RIMS2: variants seen among roughly 807,000 people sequenced by gnomAD.
The protein encoded by RIMS2 is regulating synaptic membrane exocytosis 2, also known as regulating synaptic membrane exocytosis protein 2.
RIMS2 carries 59 observed loss-of-function variants against 174.4 expected under a neutral mutation model. The ratio of observed to expected loss-of-function variants is 0.34; its 90% CI spans 0.27 to 0.42. The LOEUF is 0.42. RIMS2 is among the 10% of genes least tolerant of loss of function. The pLI, the probability that RIMS2 is intolerant of heterozygous loss-of-function variation, is 1.00. For missense variants in RIMS2, 1,620 were observed against 1,666.3 expected (o/e 0.97, Z 0.48); for synonymous variants, 606 against 572.5 (o/e 1.06, Z -0.84).
At chr8:103,997,363 A>T (rs79508157) in intron 17 of RIMS2, among the ~76,000 whole-genome samples, 3,274 of 151,928 alleles carry the variant, frequency 0.022, 119 homozygotes, top group African/African-American at 0.073. Context: ...ATTTAAATGT[A>T]TGTTTACTTT....
At chr8:103,950,467 T>C (rs1177473868) in intron 14 of RIMS2, among the ~76,000 whole-genome samples, 1 of 152,076 alleles carries the variant, frequency 6.6e-6, no homozygotes, top group Non-Finnish European at 1.5e-5. Flanking sequence ...ATACCACGGA[T>C]GCAATGTTTA....
chr8:103,573,490 T>G (rs1399989065), intron 1 of RIMS2, among the ~76,000 whole-genome samples: 1 of 152,188 alleles, frequency 6.6e-6, no homozygotes, highest in Non-Finnish European at 1.5e-5. Context: ...CTTTCTCCAT[T>G]GTTTATTTTT....
intron 19 of RIMS2, among the ~76,000 whole-genome samples, chr8:104,166,516 G>GAT (rs2098799206): frequency 1.3e-5 from 2 of 152,068 alleles, no homozygotes; most frequent in African/African-American, 4.8e-5. Context: ...AGCAGAGAAA[G>GAT]ATAAATGATC....
chr8:104,120,981 C>T (rs1416012473), intron 19 of RIMS2, among the ~76,000 whole-genome samples: 1 of 152,070 alleles, frequency 6.6e-6, no homozygotes, highest in Non-Finnish European at 1.5e-5. Flanking sequence ...TCTTTCTTTC[C>T]TTCCTTCTTC....
intron 2 of RIMS2, among the ~76,000 whole-genome samples, chr8:103,743,017 A>AT (rs1212644976): frequency 6.6e-6 from 1 of 152,190 alleles, no homozygotes; most frequent in Non-Finnish European, 1.5e-5. Flanking sequence ...CAATTAAGAT[A>AT]TTTTTATAAA....
intron 13 of RIMS2, among the ~76,000 whole-genome samples, chr8:103,940,278 T>C (rs961044131): frequency 4.6e-5 from 7 of 152,072 alleles, no homozygotes; most frequent in African/African-American, 1.4e-4. Flanking sequence ...ATGTCTTACA[T>C]GGATGGCAGC....
chr8:103,936,720 G>A (rs1287731139), exon 13 of RIMS2: 5 of 1,596,862 alleles, frequency 3.1e-6, no homozygotes, highest in Non-Finnish European at 4.3e-6. Context: ...ATTCTTAGGC[G>A]AGGTATCTGG....
chr8:103,805,237 A>T (rs1317638994), intron 3 of RIMS2, among the ~76,000 whole-genome samples: 1 of 152,126 alleles, frequency 6.6e-6, no homozygotes. Context: ...GGAATCCTGA[A>T]GAGTGAATTA....
intron 19 of RIMS2, chr8:104,094,738 T>G (rs1192510854): frequency 1.5e-6 from 1 of 664,890 alleles, no homozygotes; most frequent in Admixed American, 2.3e-5. Flanking sequence ...AGGTAAAATA[T>G]GTTATTTGTA....
chr8:103,586,461 AAC>A (rs1386045226), intron 1 of RIMS2, among the ~76,000 whole-genome samples: 2 of 152,154 alleles, frequency 1.3e-5, no homozygotes, highest in Non-Finnish European at 2.9e-5. Context: ...AAACTAAACA[AAC>A]ACATGGAAAT....
At chr8:103,591,812 G>T (rs1424123491) in intron 1 of RIMS2, among the ~76,000 whole-genome samples, 7 of 151,124 alleles carry the variant, frequency 4.6e-5, no homozygotes, top group Admixed American at 3.3e-4. Flanking sequence ...TTTAGAATAA[G>T]TATTGAAGAT....
chr8:104,173,116 C>G lies in RIMS2; in HGVS notation c.3335-71800C>G, dbSNP rs138182395. On this transcript the variant is annotated intron_variant, in intron 19 of 23. Transcript: ENST00000504942. ...CTGCTTACTACATCTGCTTTTGGTGCATTTAACAATGCCTCCTCTCATTTT... is the reference window on the plus strand; with the variant it reads ...CTGCTTACTACATCTGCTTTTGGTGGATTTAACAATGCCTCCTCTCATTTT... Among the ~76,000 whole-genome samples the G allele has an allele frequency of 4.0e-4, 61 of 152,288 alleles. 1 individual carries two copies. Among genetic ancestry groups the G allele is most frequent in the African/African-American group, 1.4e-3 (60 of 41,558 alleles).
At chr8:103,582,743 T>C (rs1317720016) in intron 1 of RIMS2, among the ~76,000 whole-genome samples, 2 of 152,282 alleles carry the variant, frequency 1.3e-5, no homozygotes, top group South Asian at 4.1e-4. Flanking sequence ...TTGTGTCTTA[T>C]GGTTTGAGTA....
intron 4 of RIMS2, among the ~76,000 whole-genome samples, chr8:103,886,781 A>G (rs17816262): frequency 0.66 from 100,343 of 151,482 alleles, 34,197 homozygotes; most frequent in African/African-American, 0.73. Flanking sequence ...CACATCATAA[A>G]TGATTTTTTT....
intron 2 of RIMS2, among the ~76,000 whole-genome samples, chr8:103,737,368 G>A (rs949947290): frequency 2.6e-5 from 4 of 151,404 alleles, no homozygotes; most frequent in Admixed American, 1.3e-4. Flanking sequence ...CTATTTTTTA[G>A]TAGAGATAGG....
intron 1 of RIMS2, among the ~76,000 whole-genome samples, chr8:103,512,760 T>C (rs1409777626): frequency 6.6e-6 from 1 of 152,160 alleles, no homozygotes; most frequent in Non-Finnish European, 1.5e-5. Context: ...TTAGGATAAT[T>C]GTAGTTCCCG....
At chr8:103,527,609 C>G (rs137902017) in intron 1 of RIMS2, among the ~76,000 whole-genome samples, 2 of 151,862 alleles carry the variant, frequency 1.3e-5, no homozygotes, top group East Asian at 3.9e-4. Context: ...TCTCGTTGTT[C>G]AGTTCCCACC....
In RIMS2 at chr8:104,014,494, G is replaced by C; in HGVS notation, c.3225-12G>C. On this transcript the variant is annotated splice_polypyrimidine_tract_variant and intron_variant, in intron 18 of 23. Transcript: ENST00000504942. ...ATTATACTGAAAATGAATATTAATGGTGTGTCTTTAGGTCTCATCCTCGTA... is the reference window on the plus strand; with the variant it reads ...ATTATACTGAAAATGAATATTAATGCTGTGTCTTTAGGTCTCATCCTCGTA... 1 of 1,456,036 alleles carries C rather than the reference G, an allele frequency of 6.9e-7. No homozygotes were observed. The highest frequency in any genetic ancestry group is 9.6e-7 in the Non-Finnish European group (1 of 1,041,092). 90.2% of individuals were successfully genotyped at this position (1,456,036 alleles called of 1,614,324 possible).
intron 1 of RIMS2, among the ~76,000 whole-genome samples, chr8:103,584,593 A>C (rs541237363): frequency 6.6e-6 from 1 of 152,316 alleles, no homozygotes; most frequent in South Asian, 2.1e-4. Flanking sequence ...GGGGAGGATG[A>C]AGTTAAGGCA....
Sources: allele counts gnomAD v4.1 joint callset (sites outside exome capture counted in the v4.1 genomes callset), GRCh38; gene constraint gnomAD v4.1.1; transcripts MANE v1.5; gene names NCBI Gene and HGNC (gene_info 2026-07-23, HGNC 2026-07-21).